Variants in OSBPL3 observed in about 807,000 individuals in gnomAD.
OSBPL3 encodes the protein oxysterol binding protein like 3, also known as oxysterol-binding protein-related protein 3.
OSBPL3 carries 65 observed loss-of-function variants against 120.1 expected under a neutral mutation model. That is an observed-to-expected ratio of 0.54 (90% CI 0.44 to 0.67). The LOEUF (loss-of-function observed/expected upper bound fraction) is 0.67, where lower values mean the gene tolerates loss of function less well. OSBPL3 is among the 30% of genes least tolerant of loss of function. The pLI is 0.00. For synonymous variants in OSBPL3, 416 were observed against 402.6 expected (o/e 1.03, Z -0.40); for missense variants, 1,004 against 1,082.1 (o/e 0.93, Z 1.01).
intron 5 of OSBPL3, among the ~76,000 whole-genome samples, chr7:24,869,167 A>G (rs957199484): frequency 6.6e-6 from 1 of 152,244 alleles, no homozygotes; most frequent in African/African-American, 2.4e-5. Context: ...AAAGCAAATC[A>G]CACAGAGAAA....
chr7:24,976,871 TG>T (rs1265983082), intron 1 of OSBPL3, among the ~76,000 whole-genome samples: 1 of 152,212 alleles, frequency 6.6e-6, no homozygotes, highest in Non-Finnish European at 1.5e-5. Context: ...CAAACTGGAA[TG>T]AAGTGGAAGA....
chr7:24,941,646 T>A (rs1584689518), intron 1 of OSBPL3, among the ~76,000 whole-genome samples: 1 of 152,172 alleles, frequency 6.6e-6, no homozygotes, highest in Non-Finnish European at 1.5e-5. Flanking sequence ...GTGACAGTAT[T>A]CCCACCACTA....
In OSBPL3 at chr7:24,834,642, G is replaced by C. The variant is rs142323802; in HGVS notation, c.1590C>G (p.Asn530Lys). The C allele has an allele frequency of 3.7e-6, 6 of 1,614,214 alleles. No homozygotes were observed. Among genetic ancestry groups the C allele is most frequent in the Non-Finnish European group, 5.1e-6 (6 of 1,180,022 alleles). Residue 530 changes from asparagine to lysine, a missense_variant, in exon 15 of 23, where the codon AAC becomes AAG. By Grantham distance (94) the Asn-to-Lys change is moderately conservative. This residue lies in a region of OSBPL3 where 473 missense variants were observed against 568.0 expected (regional missense o/e 0.83). Transcript: ENST00000313367. The surrounding 1 kb of genome is among the most constrained non-coding windows in gnomAD (Gnocchi z 5.2). ...CPSSSNISLW[N>K]ILRNNIGKDL... Reference sequence around the variant, plus strand: ...CCTTCCCGATGTTGTTCCTCAGGATGTTCCACAGGCTGATGTTACTGCTGC... The same window carrying C: ...CCTTCCCGATGTTGTTCCTCAGGATCTTCCACAGGCTGATGTTACTGCTGC...
chr7:24,915,712 T>C (rs927763079), intron 1 of OSBPL3, among the ~76,000 whole-genome samples: 4 of 152,054 alleles, frequency 2.6e-5, no homozygotes, highest in Non-Finnish European at 5.9e-5. Context: ...TAGCTGAAAT[T>C]ACAGGCAGCT....
intron 2 of OSBPL3, among the ~76,000 whole-genome samples, chr7:24,887,814 C>T (rs1804752299): frequency 6.6e-6 from 1 of 152,174 alleles, no homozygotes. Context: ...TAACACAATG[C>T]TCTGTGCAGC....
At chr7:24,850,594 T>C (rs1192986446) in intron 11 of OSBPL3, among the ~76,000 whole-genome samples, 2 of 152,180 alleles carry the variant, frequency 1.3e-5, no homozygotes, top group African/African-American at 2.4e-5. Context: ...TATGGGTTAT[T>C]TGAAAATCCT....
intron 2 of OSBPL3, among the ~76,000 whole-genome samples, chr7:24,888,518 G>T (rs1413371792): frequency 1.3e-5 from 2 of 152,144 alleles, no homozygotes; most frequent in African/African-American, 2.4e-5. Flanking sequence ...CTGGCAAAGT[G>T]AGGCTTATTG....
intron 10 of OSBPL3, among the ~76,000 whole-genome samples, chr7:24,856,488 A>G (rs1268799403): frequency 6.6e-6 from 1 of 152,166 alleles, no homozygotes. Flanking sequence ...GATCTTGGAG[A>G]AAGTAGTTAT....
chr7:24,836,431 T>C (rs1287022361), intron 14 of OSBPL3, among the ~76,000 whole-genome samples: 2 of 152,244 alleles, frequency 1.3e-5, no homozygotes, highest in Non-Finnish European at 1.5e-5. Context: ...TTCCTATTTA[T>C]GTATTAACAC....
intron 12 of OSBPL3, among the ~76,000 whole-genome samples, chr7:24,844,099 A>G (rs1025344937): frequency 6.6e-6 from 1 of 152,268 alleles, no homozygotes; most frequent in East Asian, 1.9e-4. Flanking sequence ...ATGTACTGTA[A>G]ACTCACCAGC....
chr7:24,846,129 C>T (rs1798417046), intron 12 of OSBPL3, among the ~76,000 whole-genome samples: 1 of 152,124 alleles, frequency 6.6e-6, no homozygotes, highest in South Asian at 2.1e-4. Context: ...AAAATAACAT[C>T]TATGCTTGAG....
chr7:24,954,991 T>C (rs1814871467), intron 1 of OSBPL3, among the ~76,000 whole-genome samples: 1 of 152,172 alleles, frequency 6.6e-6, no homozygotes, highest in Admixed American at 6.5e-5. Flanking sequence ...ATGCCCTCCA[T>C]AATCACAGCC....
intron 1 of OSBPL3, among the ~76,000 whole-genome samples, chr7:24,956,475 G>A (rs1438052775): frequency 4.6e-5 from 7 of 152,198 alleles, no homozygotes; most frequent in Admixed American, 1.3e-4. Context: ...TTGTTGTTAC[G>A]AAGAACTGAA....
At chr7:24,882,344 C>G (rs1176883536) in intron 2 of OSBPL3, among the ~76,000 whole-genome samples, 2 of 148,550 alleles carry the variant, frequency 1.3e-5, no homozygotes, top group African/African-American at 5.0e-5. Flanking sequence ...CTTATGAGAA[C>G]ATGTGATATT....
intron 1 of OSBPL3, among the ~76,000 whole-genome samples, chr7:24,942,349 G>A (rs1813201040): frequency 1.3e-5 from 2 of 152,098 alleles, no homozygotes; most frequent in Non-Finnish European, 2.9e-5. Context: ...ACCTGACCAC[G>A]GCACTAAGTG....
intron 10 of OSBPL3, 41 bp downstream of exon 10, chr7:24,861,572 A>G: frequency 7.0e-7 from 1 of 1,423,428 alleles, no homozygotes; most frequent in Non-Finnish European, 9.6e-7. Flanking sequence ...TGCACTTAAC[A>G]TTTTCATCAA....
intron 1 of OSBPL3, among the ~76,000 whole-genome samples, chr7:24,978,625 G>GTCA (rs1202361332): frequency 2.0e-5 from 3 of 152,228 alleles, no homozygotes; most frequent in Non-Finnish European, 4.4e-5. Flanking sequence ...ACCTCACCTT[G>GTCA]TATGATACTT....
chr7:24,841,694 CAAAAAAAA>C (rs67988881), intron 13 of OSBPL3, among the ~76,000 whole-genome samples: 273 of 12,160 alleles, frequency 0.022, 12 homozygotes, highest in African/African-American at 0.055. Context: ...GACTATGTCT[CAAAAAAAA>C]AAAAAAAAAA....
chr7:24,890,907 T>C (rs1805249567), intron 2 of OSBPL3, among the ~76,000 whole-genome samples: 1 of 152,206 alleles, frequency 6.6e-6, no homozygotes, highest in South Asian at 2.1e-4. Context: ...AAAGTTTCTG[T>C]AGTATTTGAT....
Sources: gnomAD v4.1 joint callset for allele counts (sites outside exome capture counted in the v4.1 genomes callset) on GRCh38, gnomAD v4.1.1 for gene constraint, gnomAD v4.1.1 regional missense constraint, Gnocchi (gnomAD v3.1) non-coding constraint, MANE v1.5 for transcripts, NCBI Gene and HGNC (gene_info 2026-07-23, HGNC 2026-07-21) for gene names.